Variants in TANGO6 observed in about 807,000 individuals in gnomAD.
TANGO6 encodes the protein transport and golgi organization 6 homolog, also known as transport and Golgi organization protein 6 homolog.
In TANGO6, 90 loss-of-function variants were observed where a neutral mutation model predicts 114.2. That is an observed-to-expected ratio of 0.79 (90% CI 0.66 to 0.94). The LOEUF (loss-of-function observed/expected upper bound fraction) is 0.94, where lower values mean the gene tolerates loss of function less well. Among genes scored for constraint, TANGO6 ranks in the 40% least tolerant of loss-of-function variants. The probability of loss-of-function intolerance (pLI) is 0.00; values close to 1 mark genes in which losing one functional copy is unlikely to be tolerated. For synonymous variants in TANGO6, 477 were observed against 509.8 expected (o/e 0.94, Z 0.87); for missense variants, 1,274 against 1,315.3 (o/e 0.97, Z 0.49).
chr16:69,070,647 CAAAA>C (rs947984107), intron 17 of TANGO6, among the ~76,000 whole-genome samples: 97 of 140,570 alleles, frequency 6.9e-4, no homozygotes, highest in Non-Finnish European at 1.3e-3. Context: ...AAAAAAAAAA[CAAAA>C]AAACACACAC....
chr16:68,909,452 A>T, intron 11 of TANGO6, 50 bp downstream of exon 11: 1 of 1,427,526 alleles, frequency 7.0e-7, no homozygotes, highest in South Asian at 1.7e-5. Flanking sequence ...TTTCCAAAAA[A>T]TAAAGTTTAA....
chr16:69,037,127 G>A (rs140912642), intron 16 of TANGO6, among the ~76,000 whole-genome samples: 11 of 134,658 alleles, frequency 8.2e-5, no homozygotes, highest in Non-Finnish European at 1.6e-4. Flanking sequence ...CAGAGTGAGA[G>A]TCCATCTCAA....
At chr16:68,975,838 T>A (rs1480412208) in intron 15 of TANGO6, among the ~76,000 whole-genome samples, 1 of 152,112 alleles carries the variant, frequency 6.6e-6, no homozygotes, top group Non-Finnish European at 1.5e-5. Flanking sequence ...ATTACAGGTG[T>A]GCGCCATCGT....
intron 17 of TANGO6, among the ~76,000 whole-genome samples, chr16:69,080,317 C>G (rs1960446023): frequency 6.6e-6 from 1 of 151,954 alleles, no homozygotes; most frequent in Admixed American, 6.6e-5. Flanking sequence ...GTGGCTCATG[C>G]CTGTAATCCC....
At chr16:68,990,700 C>A (rs1403339721) in intron 15 of TANGO6, among the ~76,000 whole-genome samples, 1 of 152,210 alleles carries the variant, frequency 6.6e-6, no homozygotes, top group African/African-American at 2.4e-5. Context: ...AGCCACCATG[C>A]CTGGCTACCA....
chr16:69,039,355 G>C (rs955719066), intron 16 of TANGO6, among the ~76,000 whole-genome samples: 1 of 149,170 alleles, frequency 6.7e-6, no homozygotes, highest in African/African-American at 2.5e-5. Flanking sequence ...GTGAGCACAG[G>C]CTGGACACGG....
chr16:69,073,467 G>A (rs1960325638), intron 17 of TANGO6, among the ~76,000 whole-genome samples: 1 of 152,226 alleles, frequency 6.6e-6, no homozygotes, highest in Admixed American at 6.5e-5. Context: ...CCACCTGGGA[G>A]GGTTCGTGCC....
chr16:68,843,539 C>T lies in TANGO6; in HGVS notation c.-79C>T. 1.4e-6 allele frequency: 2 copies of T among 1,408,542 alleles called. No individual in the cohort carries two copies. Among genetic ancestry groups the T allele is most frequent in the East Asian group, 2.3e-5 (1 of 43,322 alleles). The allele number at this position is 1,408,542 out of a possible 1,614,324, so 87.3% of individuals were successfully genotyped here. A position where few individuals can be genotyped will look rare whatever the true frequency, so the allele number is the denominator to read the frequency against. ...CGCCCCATAGTGTGCCCAGAGCCTTCTGCCACACTTAACATGGCGGCGGCG... is the reference window on the plus strand; with the variant it reads ...CGCCCCATAGTGTGCCCAGAGCCTTTTGCCACACTTAACATGGCGGCGGCG... On this transcript the variant is annotated 5_prime_UTR_variant, in exon 1 of 18. Coordinates refer to ENST00000261778, the MANE Select transcript of TANGO6 (RefSeq NM_024562.2).
chr16:68,884,501 G>A (rs565794802), intron 7 of TANGO6, among the ~76,000 whole-genome samples: 70 of 152,292 alleles, frequency 4.6e-4, no homozygotes, highest in Middle Eastern at 6.8e-3. Flanking sequence ...GAAAGCAGAT[G>A]TTCTAAATTA....
chr16:68,973,608 T>C (rs1963731913), intron 14 of TANGO6, among the ~76,000 whole-genome samples: 1 of 152,174 alleles, frequency 6.6e-6, no homozygotes, highest in African/African-American at 2.4e-5. Flanking sequence ...TCCCTATTTC[T>C]GTTGATTAGG....
intron 4 of TANGO6, among the ~76,000 whole-genome samples, chr16:68,874,879 G>A (rs1293758760): frequency 6.6e-6 from 1 of 152,082 alleles, no homozygotes; most frequent in Non-Finnish European, 1.5e-5. Context: ...GAACCTGGCA[G>A]GAAGAGGTTG....
intron 17 of TANGO6, among the ~76,000 whole-genome samples, chr16:69,081,227 G>A (rs1046729082): frequency 2.6e-5 from 4 of 152,056 alleles, no homozygotes; most frequent in African/African-American, 9.7e-5. Context: ...AATAGTACCT[G>A]ACCCAAAAAG....
rs1234563497 is a variant in TANGO6, at chr16:68,930,268, A to T, written c.2674A>T (p.Thr892Ser). ...CTTGGAAAACTTGGAACATGAAGACACTTTTGTATATCTATCTGCAATTCA... is the reference window on the plus strand; with the variant it reads ...CTTGGAAAACTTGGAACATGAAGACTCTTTTGTATATCTATCTGCAATTCA... ...IFLENLEHED[T>S]FVYLSAIQGV... Residue 892 changes from threonine (T) to serine (S), a missense_variant, in exon 14 of 18, where the codon ACT becomes TCT. Around this residue, in one of 5 missense-constraint regions of TANGO6, gnomAD observed 238 missense variants for 252.9 expected, o/e 0.94. Coordinates refer to ENST00000261778, the MANE Select transcript of TANGO6 (RefSeq NM_024562.2). 6 of 1,554,502 alleles carry T rather than the reference A, an allele frequency of 3.9e-6. No individual in the cohort carries two copies. The Admixed American group carries it at 9.8e-5, about 25-fold the overall frequency.
At chr16:68,845,129 A>G (rs1394982931) in intron 1 of TANGO6, among the ~76,000 whole-genome samples, 1 of 151,980 alleles carries the variant, frequency 6.6e-6, no homozygotes, top group African/African-American at 2.4e-5. Flanking sequence ...CACCATGCCC[A>G]GCTAATTTTT....
chr16:68,878,390 C>G (rs1962402919), intron 6 of TANGO6, 110 bp downstream of exon 6: 1 of 1,290,194 alleles, frequency 7.8e-7, no homozygotes, highest in African/African-American at 1.5e-5. Context: ...TTTTCCTTCC[C>G]CTCCCCCCAA....
At chr16:69,032,608 G>A (rs1959614224) in intron 16 of TANGO6, among the ~76,000 whole-genome samples, 1 of 152,116 alleles carries the variant, frequency 6.6e-6, no homozygotes, top group South Asian at 2.1e-4. Flanking sequence ...GCCGGGCATG[G>A]TGGCTCACAC....
intron 15 of TANGO6, among the ~76,000 whole-genome samples, chr16:69,009,372 C>T (rs1433722949): frequency 3.9e-5 from 6 of 152,048 alleles, no homozygotes; most frequent in East Asian, 1.9e-4. Flanking sequence ...TGAGCCACTG[C>T]GCCTGGCCCG....
At chr16:68,980,431 ATATATT>A (rs1340808031) in intron 15 of TANGO6, among the ~76,000 whole-genome samples, 12 of 75,928 alleles carry the variant, frequency 1.6e-4, no homozygotes, top group African/African-American at 1.9e-4. Flanking sequence ...ATATATATAT[ATATATT>A]TTTTTTTTTT....
intron 11 of TANGO6, among the ~76,000 whole-genome samples, chr16:68,911,618 T>C (rs934692421): frequency 6.6e-6 from 1 of 152,174 alleles, no homozygotes; most frequent in Non-Finnish European, 1.5e-5. Flanking sequence ...GGTTTCGCCA[T>C]GTTGGCCAGG....
Sources: gnomAD v4.1 joint callset for allele counts (sites outside exome capture counted in the v4.1 genomes callset) on GRCh38, gnomAD v4.1.1 for gene constraint, gnomAD v4.1.1 regional missense constraint, MANE v1.5 for transcripts, NCBI Gene and HGNC (gene_info 2026-07-23, HGNC 2026-07-21) for gene names.